Variants in CDH20 observed in about 807,000 individuals in gnomAD.
CDH20 encodes cadherin 20.
CDH20 carries 29 observed loss-of-function variants against 74.2 expected under a neutral mutation model. The ratio of observed to expected loss-of-function variants is 0.39; its 90% CI spans 0.29 to 0.53. The LOEUF (loss-of-function observed/expected upper bound fraction) is 0.53. Among genes scored for constraint, CDH20 ranks in the 20% least tolerant of loss-of-function variants. The probability of loss-of-function intolerance (pLI) is 0.69; values close to 1 mark genes in which losing one functional copy is unlikely to be tolerated. For missense variants in CDH20, 988 were observed against 1,048.3 expected, an observed-to-expected ratio of 0.94 and a Z score of 0.79; for synonymous variants, 469 against 405.4, an observed-to-expected ratio of 1.16 and a Z score of -1.88.
At chr18:61,510,592 T>C (rs1185643203) in intron 6 of CDH20, among the ~76,000 whole-genome samples, 2 of 152,228 alleles carry the variant, frequency 1.3e-5, no homozygotes, top group Non-Finnish European at 2.9e-5. Flanking sequence ...TTGTTCTGTA[T>C]TTATTTAAGA....
intron 1 of CDH20, among the ~76,000 whole-genome samples, chr18:61,398,497 G>GA (rs764638769): frequency 6.6e-6 from 1 of 152,114 alleles, no homozygotes; most frequent in Non-Finnish European, 1.5e-5. Flanking sequence ...GGAAGTGTCT[G>GA]AAAAACCTTT....
intron 1 of CDH20, among the ~76,000 whole-genome samples, chr18:61,465,067 A>T (rs1815319184): frequency 6.6e-6 from 1 of 152,376 alleles, no homozygotes; most frequent in East Asian, 1.9e-4. Flanking sequence ...AAACAACTTC[A>T]GCTCCCAAGT....
At chr18:61,384,078 C>T (rs1911519927) in intron 1 of CDH20, among the ~76,000 whole-genome samples, 1 of 152,080 alleles carries the variant, frequency 6.6e-6, no homozygotes, top group South Asian at 2.1e-4. Flanking sequence ...TTGAGAGAAA[C>T]AGGGGGTGGT....
intron 1 of CDH20, among the ~76,000 whole-genome samples, chr18:61,460,942 T>A (rs962101174): frequency 8.5e-5 from 13 of 152,212 alleles, no homozygotes; most frequent in African/African-American, 2.9e-4. Context: ...TAAGTCAGAA[T>A]CTTATTTAGA....
chr18:61,341,373 T>G (rs773189884), intron 1 of CDH20, among the ~76,000 whole-genome samples: 7 of 151,936 alleles, frequency 4.6e-5, no homozygotes, highest in Non-Finnish European at 8.8e-5. Flanking sequence ...GGGCAAGAAT[T>G]TCATTCATAA....
intron 1 of CDH20, among the ~76,000 whole-genome samples, chr18:61,429,696 G>A (rs376131358): frequency 6.6e-6 from 1 of 152,146 alleles, no homozygotes; most frequent in East Asian, 1.9e-4. Flanking sequence ...ATTCTAACAT[G>A]AAAGAGTCAA....
chr18:61,490,889 G>A (rs1910938088), intron 2 of CDH20, 90 bp downstream of exon 2: 2 of 1,421,906 alleles, frequency 1.4e-6, no homozygotes, highest in Admixed American at 1.8e-5. Flanking sequence ...CTTTATCTGA[G>A]ACCTGAGAAA....
intron 10 of CDH20, among the ~76,000 whole-genome samples, chr18:61,546,909 G>A (rs1913268617): frequency 6.6e-6 from 1 of 152,188 alleles, no homozygotes; most frequent in Non-Finnish European, 1.5e-5. Flanking sequence ...AACTGAACAA[G>A]TCTAGGCACA....
chr18:61,496,608 C>T (rs921285574), intron 2 of CDH20, among the ~76,000 whole-genome samples: 3 of 152,128 alleles, frequency 2.0e-5, no homozygotes, highest in African/African-American at 7.2e-5. Context: ...CTGCCGCTGT[C>T]GCTGTCGTTT....
At chr18:61,460,097 A>AC (rs1357671467) in intron 1 of CDH20, among the ~76,000 whole-genome samples, 2 of 152,154 alleles carry the variant, frequency 1.3e-5, no homozygotes, top group African/African-American at 4.8e-5. Context: ...AAACAAACAA[A>AC]AAAAAATGAC....
intron 10 of CDH20, 36 bp downstream of exon 10, chr18:61,545,180 T>C (rs1913198742): frequency 5.9e-6 from 8 of 1,349,348 alleles, no homozygotes; most frequent in African/African-American, 1.4e-5. Context: ...TGTGCTTTTC[T>C]ACAGCATAGG....
intron 1 of CDH20, among the ~76,000 whole-genome samples, chr18:61,345,649 A>G (rs1310097594): frequency 6.6e-6 from 1 of 152,130 alleles, no homozygotes; most frequent in African/African-American, 2.4e-5. Flanking sequence ...CTAGGTTTTT[A>G]CATTATTTCT....
chr18:61,387,883 G>A (rs763217893), intron 1 of CDH20, among the ~76,000 whole-genome samples: 31 of 151,978 alleles, frequency 2.0e-4, no homozygotes, highest in Non-Finnish European at 3.8e-4. Context: ...ATGGATAAGT[G>A]AAATGATTCT....
chr18:61,494,449 C>T (rs931189905), intron 2 of CDH20, among the ~76,000 whole-genome samples: 3 of 152,198 alleles, frequency 2.0e-5, no homozygotes, highest in Non-Finnish European at 4.4e-5. Context: ...ATCCAATCCT[C>T]ATACCAGCAA....
intron 8 of CDH20, among the ~76,000 whole-genome samples, chr18:61,538,578 C>CTTTGT (rs1555684264): frequency 0.018 from 611 of 34,910 alleles, 107 homozygotes; most frequent in Middle Eastern, 0.048. Context: ...TAAATAACTA[C>CTTTGT]TTTTTGTTTG....
At chr18:61,548,429 GATT>G (rs1189265991) in intron 10 of CDH20, among the ~76,000 whole-genome samples, 5 of 152,180 alleles carry the variant, frequency 3.3e-5, no homozygotes, top group African/African-American at 1.2e-4. Context: ...AAACGAGTAA[GATT>G]ATTACTATGT....
intron 1 of CDH20, among the ~76,000 whole-genome samples, chr18:61,398,116 C>T (rs1956177716): frequency 6.6e-6 from 1 of 152,192 alleles, no homozygotes; most frequent in African/African-American, 2.4e-5. Flanking sequence ...CTAACTACAT[C>T]CCTAGCCTGT....
Position 61,347,309 on chromosome 18 carries a change from T to C in CDH20, c.-153+13482T>C, listed in dbSNP as rs1397848741. Among the ~76,000 whole-genome samples, 741 of 89,818 alleles carry C rather than the reference T, an allele frequency of 8.3e-3. 9 individuals are homozygous for C. Among genetic ancestry groups the C allele is most frequent in the African/African-American group, 0.038 (704 of 18,620 alleles). The allele number at this position is 89,818 out of a possible 152,430, so 58.9% of individuals were successfully genotyped here. On this transcript the variant is annotated intron_variant, in intron 1 of 11. Coordinates refer to ENST00000262717, the MANE Select transcript of CDH20 (RefSeq NM_031891.4). Reference sequence around the variant, plus strand: ...GCTAATATATATATATATATATATATATATATATATACACACACACACACA... The same window carrying C: ...GCTAATATATATATATATATATATACATATATATATACACACACACACACA...
intron 1 of CDH20, among the ~76,000 whole-genome samples, chr18:61,427,139 A>G (rs763371332): frequency 2.6e-5 from 4 of 152,292 alleles, no homozygotes; most frequent in Admixed American, 2.6e-4. Flanking sequence ...TCTGAGAAGT[A>G]TGGGAATGTA....
Sources: gnomAD v4.1 joint callset for allele counts (sites outside exome capture counted in the v4.1 genomes callset) on GRCh38, gnomAD v4.1.1 for gene constraint, MANE v1.5 for transcripts, NCBI Gene and HGNC (gene_info 2026-07-23, HGNC 2026-07-21) for gene names.